Variants in FCHO1 observed in about 807,000 individuals in gnomAD.
FCHO1 encodes FCH and mu domain containing endocytic adaptor 1.
Under a neutral mutation model 114.4 loss-of-function variants are expected in FCHO1, and 45 were observed. That is an observed-to-expected ratio of 0.39 (90% CI 0.31 to 0.50). FCHO1 has a LOEUF of 0.50. FCHO1 is among the 20% of genes least tolerant of loss of function. FCHO1 has a pLI of 0.77. For synonymous variants in FCHO1, 480 were observed against 488.9 expected, an observed-to-expected ratio of 0.98 and a Z score of 0.24; for missense variants, 1,042 against 1,209.6, an observed-to-expected ratio of 0.86 and a Z score of 2.06.
upstream of FCHO1, among the ~76,000 whole-genome samples, chr19:17,749,683 C>T (rs545794823): frequency 1.9e-4 from 29 of 152,226 alleles, no homozygotes; most frequent in Middle Eastern, 0.01. Context: ...TCAGTTTCCC[C>T]ATCGTGGTGC....
Position 17,781,548 on chromosome 19 carries a change from G to A in FCHO1, c.1828+9G>A. 6.2e-7 allele frequency: 1 copy of A among 1,613,620 alleles called. No homozygotes were observed. Among genetic ancestry groups the A allele is most frequent in the Non-Finnish European group, 8.5e-7 (1 of 1,179,804 alleles). On this transcript the variant is annotated intron_variant, in intron 22 of 28. Coordinates refer to ENST00000596536, the MANE Select transcript of FCHO1 (RefSeq NM_015122.3). ...ATCCCAGACAGGACACGGTATGTGA[G>A]GGCGGTCCTGGGCCTGGCTTTGGGC...
chr19:17,772,242 C>T (rs1244526840), intron 9 of FCHO1, among the ~76,000 whole-genome samples: 1 of 152,314 alleles, frequency 6.6e-6, no homozygotes, highest in African/African-American at 2.4e-5. Context: ...GCACCAGCAA[C>T]CCCCACTTAC....
chr19:17,775,224 C>T lies in FCHO1; in HGVS notation c.945+144C>T, dbSNP rs1315975929. On this transcript the variant is annotated intron_variant, in intron 14 of 28. Transcript: ENST00000596536. This position sits in a 1 kb window ranked among gnomAD's most constrained non-coding sequence, Gnocchi z 5.1. Reference sequence around the variant, plus strand: ...GGAGCCTGGGGGCTGGGTTCATATCCCACCTCAGCTGCAAAGTCCCATGGA... The same window carrying T: ...GGAGCCTGGGGGCTGGGTTCATATCTCACCTCAGCTGCAAAGTCCCATGGA... 6 of 956,428 alleles carry T rather than the reference C, an allele frequency of 6.3e-6. No individual in the cohort carries two copies. The highest frequency in any genetic ancestry group is 9.5e-6 in the Non-Finnish European group (6 of 629,852). 59.2% of individuals were successfully genotyped at this position (956,428 alleles called of 1,614,324 possible). A position where few individuals can be genotyped will look rare whatever the true frequency, so the allele number is the denominator to read the frequency against.
At chr19:17,787,903 G>A (rs2094048577) in intron 28 of FCHO1, 57 bp downstream of exon 28, 1 of 1,564,726 alleles carries the variant, frequency 6.4e-7, no homozygotes, top group Non-Finnish European at 8.7e-7. Context: ...ACAGGGGCAA[G>A]CCCCGGGGTG....
At chr19:17,787,951 T>C in intron 28 of FCHO1, 105 bp downstream of exon 28, 3 of 1,394,466 alleles carry the variant, frequency 2.2e-6, no homozygotes, top group Non-Finnish European at 2.9e-6. Context: ...TTGGGAAAGA[T>C]AGGTGGGTGT....
In FCHO1 at chr19:17,766,801, C is replaced by G. The variant is rs771056954; in HGVS notation, c.327C>G (p.Thr109=). 7 of 1,613,852 alleles carry G rather than the reference C, an allele frequency of 4.3e-6. No homozygotes were observed. The highest frequency in any genetic ancestry group is 5.1e-6 in the Non-Finnish European group (6 of 1,179,808). ...VLRYGEEQLK[T]HKKCKEEVVS... ...GCTACGGCGAGGAACAGCTCAAGAC[C>G]CACAAGAAGGTGTGTGTCGTGGGCG... Residue 109 remains threonine (T), a synonymous_variant, in exon 7 of 29, where the codon ACC becomes ACG. Coordinates refer to ENST00000596536, the MANE Select transcript of FCHO1 (RefSeq NM_015122.3).
At chr19:17,787,158 A>G (rs891027002) in intron 27 of FCHO1, among the ~76,000 whole-genome samples, 1 of 135,110 alleles carries the variant, frequency 7.4e-6, no homozygotes, top group Non-Finnish European at 1.5e-5. Flanking sequence ...CAGTAGGTGA[A>G]GGTTGTAGTG....
In FCHO1 at chr19:17,784,182, G is replaced by A. The variant is rs142019469; in HGVS notation, c.2173G>A (p.Ala725Thr). Residue 725 changes from alanine (A) to threonine (T), a missense_variant, in exon 25 of 29, where the codon GCA (alanine) becomes ACA (threonine). Physicochemically the swap from Ala to Thr is moderately conservative, Grantham distance 58 (BLOSUM62 0). Coordinates refer to ENST00000596536, the MANE Select transcript of FCHO1 (RefSeq NM_015122.3). This position sits in a 1 kb window ranked among gnomAD's most constrained non-coding sequence, Gnocchi z 5.3. ...TCTGACCGAAGCCCTGCAGCGCCAG[G>A]CAGAGCAGAACCCCACTGCCTCCTA... Reference protein sequence around the residue: ...AALTEALQRQAEQNPTASYYN... With the variant: ...AALTEALQRQTEQNPTASYYN... The A allele has an allele frequency of 5.6e-5, 90 of 1,613,948 alleles. No individual in the cohort carries two copies. In the African/African-American group the frequency reaches 1.2e-3, roughly 21 times the overall value.
intron 9 of FCHO1, 140 bp from the exon 10 acceptor site, chr19:17,772,317 G>A: frequency 7.5e-6 from 5 of 668,132 alleles, no homozygotes; most frequent in Non-Finnish European, 8.2e-6. Flanking sequence ...GAAAGTCCTA[G>A]GGCAGACTCT....
rs2049944978 is a variant in FCHO1 at position 17,788,421 on chromosome 19, C to G, written c.*115C>G. ...CCCCAGCCTCCCTGAGGCCCATACT[C>G]CACGGAGAGGAGCCCCATGCCCAGC... On this transcript the variant is annotated 3_prime_UTR_variant, in exon 29 of 29. Coordinates refer to ENST00000596536, the MANE Select transcript of FCHO1 (RefSeq NM_015122.3). 1.3e-6 allele frequency: 1 copy of G among 761,580 alleles called. No homozygotes were observed. The highest frequency in any genetic ancestry group is 1.7e-5 in the African/African-American group (1 of 57,302). The allele number at this position is 761,580 out of a possible 1,614,324, so 47.2% of individuals were successfully genotyped here.
In FCHO1 at chr19:17,760,340, C is replaced by G. The variant is rs560603124; in HGVS notation, c.28-2422C>G. ...TGCTGGGACTACAGGTGTGAGGCAC[C>G]GCGCCCGGCCTGATTACCATTTTTA... On this transcript the variant is annotated intron_variant, in intron 4 of 28. Coordinates refer to ENST00000596536, the MANE Select transcript of FCHO1 (RefSeq NM_015122.3). Among the ~76,000 whole-genome samples, 5 of 152,164 alleles carry G rather than the reference C, an allele frequency of 3.3e-5. 1 individual carries two copies. The South Asian group carries it at 8.3e-4, about 25-fold the overall frequency.
In FCHO1 at chr19:17,772,717, A is replaced by C; in HGVS notation, c.766A>C (p.Lys256Gln). ...EMLLRKFAES[K>Q]GTGREKPGPL... is the part of the protein sequence containing the mutation. ...GCTACTCAGGAAGTTTGCAGAGAGT[A>C]AGGGCACAGGCCGGGAGAAGCCTGG... Residue 256 changes from lysine (K) to glutamine (Q), a missense_variant, in exon 11 of 29, where the codon AAG (lysine) becomes CAG (glutamine). Coordinates refer to ENST00000596536, the MANE Select transcript of FCHO1 (RefSeq NM_015122.3). 1 of 1,614,158 alleles carries C rather than the reference A, an allele frequency of 6.2e-7. No homozygotes were observed. The highest frequency in any genetic ancestry group is 8.5e-7 in the Non-Finnish European group (1 of 1,180,016).
In FCHO1 at chr19:17,775,005, C is replaced by T. The variant is rs767861499; in HGVS notation, c.921-51C>T. The stretch of plus-strand genomic sequence containing the variant: ...TCCAGTGTTGGGGGCTGACAGGGGG[C>T]ACCAGATGGGCTGCGGAAGCTGACA... On this transcript the variant is annotated intron_variant, in intron 13 of 28. Transcript: ENST00000596536. This position sits in a 1 kb window ranked among gnomAD's most constrained non-coding sequence, Gnocchi z 5.1. 16 of 1,608,042 alleles carry T rather than the reference C, an allele frequency of 9.9e-6. No individual in the cohort carries two copies. Among genetic ancestry groups the T allele is most frequent in the Middle Eastern group, 1.7e-4 (1 of 6,038 alleles).
chr19:17,758,384 G>A (rs1023645792), intron 4 of FCHO1, among the ~76,000 whole-genome samples: 40 of 152,110 alleles, frequency 2.6e-4, no homozygotes, highest in Non-Finnish European at 1.5e-5. Flanking sequence ...AGCTGATGGC[G>A]GGAATAGCCT....
Position 17,770,416 on chromosome 19 carries a change from A to AC in FCHO1, c.337-5dup, listed in dbSNP as rs1240456062. 1.2e-6 allele frequency: 2 copies of AC among 1,601,736 alleles called. No individual in the cohort carries two copies. The highest frequency in any genetic ancestry group is 1.7e-6 in the Non-Finnish European group (2 of 1,172,298). On this transcript the variant is annotated splice_polypyrimidine_tract_variant and intron_variant, in intron 7 of 28. Transcript: ENST00000596536. ...CAGTCTACCCATGAAATCCCCTCCT[A>AC]CCCCGCAGTGCAAGGAGGAAGTGGT... is the stretch of plus-strand genomic sequence containing the variant.
Position 17,784,142 on chromosome 19 carries a change from G to A in FCHO1, c.2133G>A (p.Trp711Ter). The A allele has an allele frequency of 6.2e-7, 1 of 1,614,118 alleles. No individual in the cohort carries two copies. The highest frequency in any genetic ancestry group is 2.2e-5 in the East Asian group (1 of 44,884). The change falls in exon 25 of 29, where the codon TGG (tryptophan) becomes TGA (stop). Residue 711 changes from tryptophan (W) to a stop codon, truncating the protein, a stop_gained. Transcript: ENST00000596536. LOFTEE classifies it high-confidence loss of function. The surrounding 1 kb of genome is among the most constrained non-coding windows in gnomAD (Gnocchi z 5.3). ...GTGACCCTGAGACCAAAGACTTCTG[G>A]CTCAACATGGCAGCTCTGACCGAAG... ...SQSDPETKDF[W>*]LNMAALTEAL...
intron 6 of FCHO1, among the ~76,000 whole-genome samples, chr19:17,765,170 T>C (rs2088354286): frequency 6.6e-6 from 1 of 151,070 alleles, no homozygotes; most frequent in Admixed American, 6.6e-5. Context: ...GAGACCTTAA[T>C]AGAAAGGGGC....
Position 17,776,125 on chromosome 19 carries a change from C to T in FCHO1, c.1146C>T (p.Ala382=). 6.2e-7 allele frequency: 1 copy of T among 1,613,292 alleles called. No homozygotes were observed. Among genetic ancestry groups the T allele is most frequent in the Non-Finnish European group, 8.5e-7 (1 of 1,179,848 alleles). The change falls in exon 16 of 29, where the codon GCC becomes GCT. Residue 382 remains alanine (A), a synonymous_variant. Transcript: ENST00000596536. This position sits in a 1 kb window ranked among gnomAD's most constrained non-coding sequence, Gnocchi z 4.4. ...SPEAAAAQLR[A]TAGSLILPPG... is the part of the protein sequence containing the mutation. The stretch of plus-strand genomic sequence containing the variant: ...AGGCAGCAGCGGCACAGCTCAGGGC[C>T]ACCGCGGGCAGCCTCATCCTTCCTC...
At chr19:17,788,250 C>G in intron 28 of FCHO1, 34 bp from the exon 29 acceptor site, 1 of 1,329,022 alleles carries the variant, frequency 7.5e-7, no homozygotes, top group Non-Finnish European at 1.1e-6. Flanking sequence ...ACCCCTCCTC[C>G]CCACCCCTCC....
Sources: allele counts gnomAD v4.1 joint callset (sites outside exome capture counted in the v4.1 genomes callset), GRCh38; gene constraint gnomAD v4.1.1; non-coding constraint Gnocchi (gnomAD v3.1); transcripts MANE v1.5; gene names NCBI Gene and HGNC (gene_info 2026-07-23, HGNC 2026-07-21).